Variants in CADM2 observed in about 807,000 individuals in gnomAD.
CADM2 encodes the protein immunoglobulin superfamily member 4D.
A neutral mutation model predicts 49.8 loss-of-function variants in CADM2; 12 were observed. The observed-to-expected ratio is 0.24, with a 90% CI of 0.15 to 0.39. CADM2 has a LOEUF of 0.39. Ranked by LOEUF, CADM2 falls within the 10% of genes least tolerant of loss-of-function variation. The pLI is 1.00. For missense variants in CADM2, 378 were observed against 492.3 expected, an observed-to-expected ratio of 0.77 and a Z score of 2.20; for synonymous variants, 214 against 175.4, an observed-to-expected ratio of 1.22 and a Z score of -1.74.
intron 1 of CADM2, among the ~76,000 whole-genome samples, chr3:85,643,495 T>C (rs1486054935): frequency 2.6e-5 from 4 of 152,156 alleles, no homozygotes; most frequent in Non-Finnish European, 5.9e-5. Context: ...CTAATCAAAT[T>C]GAGAAGTAAT....
At chr3:85,929,315 C>A (rs1720303246) in intron 6 of CADM2, among the ~76,000 whole-genome samples, 1 of 151,780 alleles carries the variant, frequency 6.6e-6, no homozygotes, top group Admixed American at 6.6e-5. Flanking sequence ...GAAAATATTC[C>A]CAATTTCAAT....
intron 1 of CADM2, among the ~76,000 whole-genome samples, chr3:85,121,607 A>G (rs1354760172): frequency 6.6e-6 from 1 of 152,220 alleles, no homozygotes; most frequent in African/African-American, 2.4e-5. Flanking sequence ...AAAGGACAAG[A>G]GATACATCAA....
At chr3:85,493,451 A>G (rs532712764) in intron 1 of CADM2, among the ~76,000 whole-genome samples, 31 of 152,084 alleles carry the variant, frequency 2.0e-4, no homozygotes, top group Admixed American at 1.8e-3. Flanking sequence ...TGCCCTGTAC[A>G]TTTTTTCTTA....
chr3:85,194,256 T>C (rs367803871), intron 1 of CADM2, among the ~76,000 whole-genome samples: 1 of 152,112 alleles, frequency 6.6e-6, no homozygotes, highest in African/African-American at 2.4e-5. Context: ...TGGGGCAGGA[T>C]GTTGCAAGAC....
intron 1 of CADM2, among the ~76,000 whole-genome samples, chr3:85,297,262 A>G (rs1366408856): frequency 6.6e-6 from 1 of 152,038 alleles, no homozygotes; most frequent in Admixed American, 6.6e-5. Flanking sequence ...AGAAACCAAG[A>G]AACTTCTATT....
intron 5 of CADM2, among the ~76,000 whole-genome samples, chr3:85,911,053 ATTAC>A (rs1403434439): frequency 2.6e-5 from 4 of 152,116 alleles, no homozygotes; most frequent in African/African-American, 9.6e-5. Context: ...TTTAAAATAA[ATTAC>A]TTAATATAAG....
intron 7 of CADM2, among the ~76,000 whole-genome samples, chr3:85,945,411 C>T (rs1457745772): frequency 6.6e-6 from 1 of 152,050 alleles, no homozygotes; most frequent in African/African-American, 2.4e-5. Context: ...AGAGGGAATC[C>T]TCCCCAACTC....
chr3:84,976,917 A>ATATC (rs2031857805), intron 1 of CADM2, among the ~76,000 whole-genome samples: 3 of 152,066 alleles, frequency 2.0e-5, no homozygotes, highest in Non-Finnish European at 4.4e-5. Flanking sequence ...ATAGATTTAT[A>ATATC]TCTCACAGAT....
At chr3:85,669,866 ATTG>A (rs1206961764) in intron 1 of CADM2, among the ~76,000 whole-genome samples, 1 of 152,014 alleles carries the variant, frequency 6.6e-6, no homozygotes, top group East Asian at 1.9e-4. Context: ...TCTTCTTTTT[ATTG>A]TTGTCGTTGT....
chr3:85,481,522 T>G (rs2039209233), intron 1 of CADM2, among the ~76,000 whole-genome samples: 1 of 151,696 alleles, frequency 6.6e-6, no homozygotes, highest in East Asian at 1.9e-4. Flanking sequence ...CTGGAATGAT[T>G]TCATTAACAA....
At chr3:85,186,649 T>G (rs146662155) in intron 1 of CADM2, among the ~76,000 whole-genome samples, 2 of 152,056 alleles carry the variant, frequency 1.3e-5, no homozygotes, top group African/African-American at 4.8e-5. Context: ...TTAGGATGTT[T>G]AACACCATCC....
At chr3:85,261,340 T>C (rs2043010687) in intron 1 of CADM2, among the ~76,000 whole-genome samples, 1 of 152,080 alleles carries the variant, frequency 6.6e-6, no homozygotes, top group Admixed American at 6.6e-5. Flanking sequence ...TTCACTATAT[T>C]GGCCAGGCCG....
chr3:85,524,946 G>A (rs913836165), intron 1 of CADM2, among the ~76,000 whole-genome samples: 4 of 152,038 alleles, frequency 2.6e-5, no homozygotes, highest in African/African-American at 9.7e-5. Context: ...GCCTGATATT[G>A]ATATAGTTAC....
chr3:85,991,029 A>C (rs1462936539), intron 8 of CADM2, among the ~76,000 whole-genome samples: 1 of 152,212 alleles, frequency 6.6e-6, no homozygotes, highest in African/African-American at 2.4e-5. Context: ...ATCTATCACC[A>C]GAGATGGGAG....
chr3:85,390,351 G>A (rs1020317016), intron 1 of CADM2, among the ~76,000 whole-genome samples: 7 of 152,106 alleles, frequency 4.6e-5, no homozygotes, highest in African/African-American at 1.7e-4. Context: ...TTCAATCGTG[G>A]TTCTTCCTGA....
At chr3:85,102,321 T>C (rs1400889837) in intron 1 of CADM2, among the ~76,000 whole-genome samples, 1 of 152,172 alleles carries the variant, frequency 6.6e-6, no homozygotes, top group Non-Finnish European at 1.5e-5. Context: ...AATTTACAAA[T>C]ATTGCTGGGG....
intron 1 of CADM2, among the ~76,000 whole-genome samples, chr3:85,212,812 CTCTTTCTTTCTTTCTT>C (rs61255712): frequency 0.013 from 1,347 of 102,634 alleles, 38 homozygotes; most frequent in African/African-American, 0.026. Flanking sequence ...TCTTTTTCTT[CTCTTTCTTTCTTTCTT>C]TCTTTCTTTC....
At chr3:85,603,259 C>T (rs2107408718) in intron 1 of CADM2, among the ~76,000 whole-genome samples, 1 of 152,008 alleles carries the variant, frequency 6.6e-6, no homozygotes, top group Middle Eastern at 3.4e-3. Flanking sequence ...TCTTTCCAGG[C>T]TGCATTTCTT....
intron 7 of CADM2, 41 bp downstream of exon 7, chr3:85,935,898 C>G (rs1250110414): frequency 4.1e-6 from 5 of 1,226,236 alleles, no homozygotes; most frequent in Non-Finnish European, 5.9e-6. Flanking sequence ...AACTTTTTTT[C>G]TTTTATCTTG....
Sources: allele counts gnomAD v4.1 joint callset (sites outside exome capture counted in the v4.1 genomes callset), GRCh38; gene constraint gnomAD v4.1.1; transcripts MANE v1.5; gene names NCBI Gene and HGNC (gene_info 2026-07-23, HGNC 2026-07-21).